Variants in ICA1 observed in about 807,000 individuals in gnomAD.
ICA1 encodes 69 kDa islet cell autoantigen.
Under a neutral mutation model 71.0 loss-of-function variants are expected in ICA1, and 40 were observed. The observed-to-expected ratio is 0.56, with a 90% confidence interval of 0.44 to 0.73. ICA1 has a LOEUF of 0.73. Ranked by LOEUF, ICA1 falls within the 30% of genes least tolerant of loss-of-function variation. The pLI is 0.00. For missense variants in ICA1, 578 were observed against 576.5 expected, an observed-to-expected ratio of 1.00 and a Z score of -0.03; for synonymous variants, 207 against 209.5, an observed-to-expected ratio of 0.99 and a Z score of 0.10.
At chr7:8,175,846 G>A (rs982624507) in intron 6 of ICA1, among the ~76,000 whole-genome samples, 2 of 152,116 alleles carry the variant, frequency 1.3e-5, no homozygotes, top group Non-Finnish European at 2.9e-5. Context: ...CGATGATTCA[G>A]GAGAATTGGG....
At chr7:8,255,795 G>A (rs1385276100) in intron 1 of ICA1, among the ~76,000 whole-genome samples, 1 of 38,234 alleles carries the variant, frequency 2.6e-5, no homozygotes, top group Non-Finnish European at 5.0e-5. Context: ...TTTTTTTTTT[G>A]GCAGGGTCTT....
intron 6 of ICA1, 82 bp from the exon 7 acceptor site, chr7:8,158,734 G>C: frequency 2.2e-6 from 3 of 1,366,774 alleles, no homozygotes; most frequent in Non-Finnish European, 3.0e-6. Flanking sequence ...CCAACAGCAG[G>C]CCTTTTCTCT....
At chr7:8,125,503 G>A (rs1788833119) in intron 13 of ICA1, among the ~76,000 whole-genome samples, 1 of 152,214 alleles carries the variant, frequency 6.6e-6, no homozygotes, top group Admixed American at 6.5e-5. Context: ...CAGCTCTGCA[G>A]CCTGACCTAC....
intron 6 of ICA1, among the ~76,000 whole-genome samples, chr7:8,185,798 A>G (rs1013076447): frequency 9.2e-5 from 14 of 152,256 alleles, no homozygotes; most frequent in African/African-American, 3.4e-4. Context: ...ATTAAATGAG[A>G]TAATATATAC....
At chr7:8,131,489 A>C (rs1791423716) in intron 12 of ICA1, among the ~76,000 whole-genome samples, 1 of 152,152 alleles carries the variant, frequency 6.6e-6, no homozygotes, top group African/African-American at 2.4e-5. Flanking sequence ...TTTTGCCTAC[A>C]CTGAGGTCTA....
intron 1 of ICA1, among the ~76,000 whole-genome samples, chr7:8,242,026 G>T (rs1266499723): frequency 6.6e-6 from 1 of 152,132 alleles, no homozygotes; most frequent in African/African-American, 2.4e-5. Context: ...AGGTTAACAA[G>T]GATATCCAGG....
chr7:8,215,233 C>G (rs1204838583), intron 6 of ICA1, among the ~76,000 whole-genome samples: 2 of 152,148 alleles, frequency 1.3e-5, no homozygotes, highest in African/African-American at 4.8e-5. Context: ...ACCCCCATCT[C>G]CACACTCACC....
chr7:8,219,678 T>C (rs1328103047), intron 5 of ICA1, among the ~76,000 whole-genome samples: 1 of 152,252 alleles, frequency 6.6e-6, no homozygotes, highest in African/African-American at 2.4e-5. Context: ...CCCTGTTGGT[T>C]TAATTTAATA....
chr7:8,203,430 A>G (rs1416703089), intron 6 of ICA1, among the ~76,000 whole-genome samples: 3 of 152,174 alleles, frequency 2.0e-5, no homozygotes, highest in African/African-American at 4.8e-5. Flanking sequence ...GCCTTTTTTG[A>G]TGGATCAGTC....
intron 12 of ICA1, 27 bp from the exon 13 acceptor site, chr7:8,128,169 G>A (rs201014782): frequency 5.2e-5 from 84 of 1,606,458 alleles, no homozygotes; most frequent in South Asian, 2.6e-4. Flanking sequence ...AGAACAAAAC[G>A]TCACCACGGA....
chr7:8,180,812 A>T (rs1366897777), intron 6 of ICA1, among the ~76,000 whole-genome samples: 3 of 149,070 alleles, frequency 2.0e-5, no homozygotes, highest in Non-Finnish European at 3.0e-5. Context: ...CCATTTTTTC[A>T]CGAGGTGGCG....
At chr7:8,116,970 TG>T (rs1784992111) in intron 13 of ICA1, among the ~76,000 whole-genome samples, 1 of 152,194 alleles carries the variant, frequency 6.6e-6, no homozygotes, top group Non-Finnish European at 1.5e-5. Context: ...GTAATCCCCA[TG>T]ATCCCCATAT....
chr7:8,198,698 T>C (rs1260821864), intron 6 of ICA1, among the ~76,000 whole-genome samples: 1 of 152,112 alleles, frequency 6.6e-6, no homozygotes, highest in Non-Finnish European at 1.5e-5. Flanking sequence ...TGATGATTTG[T>C]TGGATGTAGG....
At chr7:8,188,458 A>G (rs938146260) in intron 6 of ICA1, among the ~76,000 whole-genome samples, 3 of 152,202 alleles carry the variant, frequency 2.0e-5, no homozygotes, top group Non-Finnish European at 4.4e-5. Flanking sequence ...GTCCGATATC[A>G]AGGCACAGAG....
At chr7:8,261,137 C>T (rs925822333) in intron 1 of ICA1, among the ~76,000 whole-genome samples, 2 of 151,828 alleles carry the variant, frequency 1.3e-5, no homozygotes, top group Non-Finnish European at 2.9e-5. Flanking sequence ...TGAACAAAAC[C>T]CTTTCTTGCG....
At chr7:8,159,820 A>G (rs998735400) in intron 6 of ICA1, among the ~76,000 whole-genome samples, 1 of 152,206 alleles carries the variant, frequency 6.6e-6, no homozygotes, top group Admixed American at 6.5e-5. Flanking sequence ...AGAGAAAACC[A>G]GCCAATTTTT....
At chr7:8,150,095 ATTC>A (rs1798304019) in intron 8 of ICA1, among the ~76,000 whole-genome samples, 1 of 152,256 alleles carries the variant, frequency 6.6e-6, no homozygotes, top group African/African-American at 2.4e-5. Flanking sequence ...GATAGGTAAT[ATTC>A]TTCTTTAAAA....
intron 6 of ICA1, among the ~76,000 whole-genome samples, chr7:8,194,058 A>G (rs1050621844): frequency 1.3e-5 from 2 of 152,244 alleles, no homozygotes; most frequent in Admixed American, 6.5e-5. Flanking sequence ...CTTCATAGAT[A>G]AAATGATTTT....
intron 4 of ICA1, chr7:8,227,594 G>T: frequency 2.6e-6 from 1 of 387,212 alleles, no homozygotes; most frequent in Non-Finnish European, 4.9e-6. Flanking sequence ...GGACTTTCCT[G>T]AAGTAGTTGT....
Sources: gnomAD v4.1 joint callset for allele counts (sites outside exome capture counted in the v4.1 genomes callset) on GRCh38, gnomAD v4.1.1 for gene constraint, MANE v1.5 for transcripts, NCBI Gene and HGNC (gene_info 2026-07-23, HGNC 2026-07-21) for gene names.